The following MTAP variants were observed in gnomAD, a reference collection of about 807,000 sequenced individuals.
MTAP encodes S-methyl-5'-thioadenosine phosphorylase.
Under a neutral mutation model 33.6 loss-of-function variants are expected in MTAP, and 33 were observed. That is an observed-to-expected ratio of 0.98 (90% CI 0.74 to 1.31). MTAP has a LOEUF of 1.31. Among genes scored for constraint, MTAP ranks in the 40% most tolerant of loss-of-function variants. The pLI is 0.00. For missense variants in MTAP, 367 were observed against 360.0 expected, an observed-to-expected ratio of 1.02 and a Z score of -0.16; for synonymous variants, 148 against 125.7, an observed-to-expected ratio of 1.18 and a Z score of -1.19.
intron 4 of MTAP, among the ~76,000 whole-genome samples, chr9:21,826,494 C>G (rs1027135163): frequency 2.0e-5 from 3 of 151,780 alleles, no homozygotes; most frequent in Non-Finnish European, 4.4e-5. Flanking sequence ...CTGATCAGAA[C>G]CAGGTTTGAA....
At chr9:21,846,328 C>T (rs7851133) in intron 5 of MTAP, among the ~76,000 whole-genome samples, 36,349 of 151,824 alleles carry the variant, frequency 0.24, 4,761 homozygotes, top group East Asian at 0.41. Context: ...TAAATGACCA[C>T]CCGCAGAAAG....
chr9:21,808,044 C>T (rs1824251779), intron 1 of MTAP, among the ~76,000 whole-genome samples: 1 of 152,184 alleles, frequency 6.6e-6, no homozygotes, highest in Admixed American at 6.5e-5. Context: ...ATCACCTGGT[C>T]ATTTGCTAGA....
Position 21,862,279 on chromosome 9 carries a change from A to T in MTAP, c.*265A>T. The T allele has an allele frequency of 1.5e-6, 1 of 687,752 alleles. No homozygotes were observed. The highest frequency in any genetic ancestry group is 2.0e-6 in the Non-Finnish European group (1 of 497,280). The allele number at this position is 687,752 out of a possible 1,614,324, so 42.6% of individuals were successfully genotyped here. On this transcript the variant is annotated 3_prime_UTR_variant, in exon 8 of 8. Transcript: ENST00000644715. ...TTTAAGGGGGAAAAAAAAACCCACCATTCTCTTCTCCCCCTATTAAATTTG... is the reference window on the plus strand; with the variant it reads ...TTTAAGGGGGAAAAAAAAACCCACCTTTCTCTTCTCCCCCTATTAAATTTG...
exon 8 of MTAP, chr9:21,936,649 A>G (rs1222206123): frequency 6.6e-6 from 1 of 152,238 alleles, no homozygotes; most frequent in African/African-American, 2.4e-5. Context: ...ATACTTCTAT[A>G]GAAATTATAA....
downstream of MTAP, among the ~76,000 whole-genome samples, chr9:21,939,617 A>T (rs1032915835): frequency 6.6e-6 from 1 of 152,232 alleles, no homozygotes; most frequent in African/African-American, 2.4e-5. Context: ...TAATCCCAGC[A>T]CTTTGGGAGG....
At chr9:21,928,058 C>A (rs1818897201) in intron 1 of MTAP, among the ~76,000 whole-genome samples, 2 of 152,180 alleles carry the variant, frequency 1.3e-5, no homozygotes, top group South Asian at 2.1e-4. Flanking sequence ...GGGGACTTTA[C>A]TCCCCTCTCT....
At position 21,897,381 on chromosome 9, in the gene MTAP, G is replaced by A. The variant is rs867778851; in HGVS notation, c.148-33627G>A. 3.9e-3 allele frequency among the ~76,000 whole-genome samples: 600 copies of A among 152,204 alleles called. 5 individuals are homozygous for A. Among genetic ancestry groups the A allele is most frequent in the African/African-American group, 0.013 (560 of 41,508 alleles). The stretch of plus-strand genomic sequence containing the variant: ...ACATAGTGTTGGAAGTTCTAGCCAG[G>A]GCAATCAGGCAAGAGAAAGAAATAA... On this transcript the variant is annotated intron_variant, in intron 1 of 1. Coordinates refer to the MTAP transcript ENST00000577563.
downstream of MTAP, among the ~76,000 whole-genome samples, chr9:21,870,746 G>A (rs1170730163): frequency 6.7e-6 from 1 of 149,646 alleles, no homozygotes; most frequent in Non-Finnish European, 1.5e-5. Flanking sequence ...TATACTAACA[G>A]TACATCTCAA....
At chr9:21,832,377 T>A (rs1824989425) in intron 4 of MTAP, among the ~76,000 whole-genome samples, 1 of 152,236 alleles carries the variant, frequency 6.6e-6, no homozygotes, top group Admixed American at 6.5e-5. Context: ...GAAAGCGTTT[T>A]ATGGTAAAGA....
At chr9:21,858,394 C>T (rs1825682044) in intron 6 of MTAP, among the ~76,000 whole-genome samples, 1 of 152,100 alleles carries the variant, frequency 6.6e-6, no homozygotes. Flanking sequence ...GTTTAATTGG[C>T]TTATGGTTCT....
chr9:21,827,289 C>G (rs1247404809), intron 4 of MTAP, among the ~76,000 whole-genome samples: 2 of 152,328 alleles, frequency 1.3e-5, no homozygotes, highest in Non-Finnish European at 2.9e-5. Context: ...TGCTGCTCCT[C>G]CCATCAGTTA....
rs530194912 is a variant in MTAP, at chr9:21,865,251, T to C, written c.*3237T>C. The C allele has an allele frequency of 1.1e-5, 5 of 452,910 alleles. No homozygotes were observed. Among genetic ancestry groups the C allele is most frequent in the Non-Finnish European group, 1.5e-5 (5 of 343,340 alleles). The allele number at this position is 452,910 out of a possible 1,614,324, so 28.1% of individuals were successfully genotyped here. Reference sequence around the variant, plus strand: ...TCCTGTTTGTTTTATAAGGGGCTTTTCCCCCTTTTGCTCAACACTTCTTCC... The same window carrying C: ...TCCTGTTTGTTTTATAAGGGGCTTTCCCCCCTTTTGCTCAACACTTCTTCC... On this transcript the variant is annotated 3_prime_UTR_variant, in exon 8 of 8. Coordinates refer to ENST00000644715, the MANE Select transcript of MTAP (RefSeq NM_002451.4).
intron 4 of MTAP, among the ~76,000 whole-genome samples, chr9:21,824,484 C>T (rs1011123742): frequency 2.0e-5 from 3 of 152,130 alleles, no homozygotes; most frequent in Non-Finnish European, 4.4e-5. Flanking sequence ...GAGGGGTACC[C>T]AGCCGTGTGA....
intron 6 of MTAP, chr9:21,856,179 G>C (rs1210336505): frequency 1.0e-6 from 1 of 985,214 alleles, no homozygotes; most frequent in African/African-American, 1.7e-5. Flanking sequence ...AGTCACTTTT[G>C]AAGTAAGGAA....
intron 3 of MTAP, among the ~76,000 whole-genome samples, chr9:21,817,824 G>A (rs1487929409): frequency 6.6e-6 from 1 of 152,106 alleles, no homozygotes; most frequent in Non-Finnish European, 1.5e-5. Flanking sequence ...GGGTCTGTCT[G>A]CCACTCTACA....
chr9:21,927,462 T>A (rs1818888079), intron 1 of MTAP, among the ~76,000 whole-genome samples: 2 of 152,198 alleles, frequency 1.3e-5, no homozygotes, highest in Admixed American at 6.5e-5. Flanking sequence ...AGGTAACAGT[T>A]GAGTGGTGTT....
chr9:21,850,873 A>G (rs757555527), intron 5 of MTAP, among the ~76,000 whole-genome samples: 7 of 152,188 alleles, frequency 4.6e-5, no homozygotes, highest in Admixed American at 1.3e-4. Flanking sequence ...TCCTGAAGGC[A>G]CTTTGCTGTG....
At chr9:21,833,176 A>G (rs756907526) in intron 4 of MTAP, among the ~76,000 whole-genome samples, 3 of 152,046 alleles carry the variant, frequency 2.0e-5, no homozygotes, top group Non-Finnish European at 4.4e-5. Flanking sequence ...TATTGGTCCA[A>G]ATTCATAAGT....
intron 4 of MTAP, among the ~76,000 whole-genome samples, chr9:21,826,553 G>A (rs1366747851): frequency 6.6e-6 from 1 of 151,514 alleles, no homozygotes. Context: ...GGCATGTGAT[G>A]TCCAGTTGTC....
Sources: allele counts gnomAD v4.1 joint callset (sites outside exome capture counted in the v4.1 genomes callset), GRCh38; gene constraint gnomAD v4.1.1; transcripts MANE v1.5; gene names NCBI Gene and HGNC (gene_info 2026-07-23, HGNC 2026-07-21).